Variants in TMC1 observed in about 807,000 individuals in gnomAD.
TMC1 encodes the protein transmembrane channel-like protein 1.
A neutral mutation model predicts 105.8 loss-of-function variants in TMC1; 84 were observed. That is an observed-to-expected ratio of 0.79 (90% confidence interval 0.67 to 0.95). The LOEUF (loss-of-function observed/expected upper bound fraction) is 0.95, where lower values mean the gene tolerates loss of function less well. Ranked by LOEUF, TMC1 falls within the 40% of genes least tolerant of loss-of-function variation. TMC1 has a pLI of 0.00. For synonymous variants in TMC1, 315 were observed against 311.5 expected, an observed-to-expected ratio of 1.01 and a Z score of -0.12; for missense variants, 817 against 914.1, an observed-to-expected ratio of 0.89 and a Z score of 1.37.
At chr9:72,631,841 G>A (rs1825457929) in intron 4 of TMC1, among the ~76,000 whole-genome samples, 2 of 152,288 alleles carry the variant, frequency 1.3e-5, no homozygotes, top group Admixed American at 1.3e-4. Flanking sequence ...GCAAGAAGAT[G>A]GGATTGTTAT....
At chr9:72,618,449 TGTAA>T (rs1196990182) in intron 3 of TMC1, among the ~76,000 whole-genome samples, 2 of 152,154 alleles carry the variant, frequency 1.3e-5, no homozygotes, top group Non-Finnish European at 2.9e-5. Context: ...TTAAACTAAC[TGTAA>T]GTTGAGTTGG....
chr9:72,675,487 A>G (rs900080103), intron 5 of TMC1, among the ~76,000 whole-genome samples: 1 of 152,170 alleles, frequency 6.6e-6, no homozygotes, highest in African/African-American at 2.4e-5. Flanking sequence ...ACCTGCGTGT[A>G]TTTGTTGCTC....
intron 5 of TMC1, among the ~76,000 whole-genome samples, chr9:72,672,823 AAC>A (rs34028814): frequency 0.068 from 9,456 of 139,662 alleles, 318 homozygotes; most frequent in Non-Finnish European, 0.08. Flanking sequence ...AAGCCTGGGC[AAC>A]ACACACACAC....
At chr9:72,623,995 C>T (rs958625869) in intron 3 of TMC1, among the ~76,000 whole-genome samples, 1 of 152,156 alleles carries the variant, frequency 6.6e-6, no homozygotes, top group Admixed American at 6.5e-5. Context: ...TAAATCCATA[C>T]TCAGAATATG....
intron 23 of TMC1, among the ~76,000 whole-genome samples, chr9:72,832,213 A>G (rs1829053148): frequency 6.6e-6 from 1 of 152,034 alleles, no homozygotes; most frequent in African/African-American, 2.4e-5. Flanking sequence ...TGGCCTCCCA[A>G]AGTGTTGGGA....
At chr9:72,605,104 T>C (rs1824884665) in intron 2 of TMC1, among the ~76,000 whole-genome samples, 1 of 152,176 alleles carries the variant, frequency 6.6e-6, no homozygotes, top group African/African-American at 2.4e-5. Flanking sequence ...GACAACAAAA[T>C]TGTCTAACAT....
At chr9:72,647,243 GA>G (rs2132148864) in intron 4 of TMC1, among the ~76,000 whole-genome samples, 1 of 150,770 alleles carries the variant, frequency 6.6e-6, no homozygotes, top group African/African-American at 2.4e-5. Flanking sequence ...TTAATGAATA[GA>G]AATTTTTTTA....
At chr9:72,667,277 A>G (rs768451711) in intron 5 of TMC1, among the ~76,000 whole-genome samples, 30 of 152,044 alleles carry the variant, frequency 2.0e-4, no homozygotes, top group Admixed American at 2.0e-3. Context: ...GGTTCAGTGA[A>G]TTTTCTACCC....
chr9:72,562,168 T>C (rs1427000157), intron 1 of TMC1, among the ~76,000 whole-genome samples: 1 of 152,214 alleles, frequency 6.6e-6, no homozygotes, highest in Admixed American at 6.5e-5. Flanking sequence ...ACTCAGTAAG[T>C]AGGAATACTT....
At position 72,665,207 on chromosome 9, in the gene TMC1, CTGTA is replaced by C. The variant is rs57622175; in HGVS notation, c.16+16545_16+16548del. Among the ~76,000 whole-genome samples the C allele has an allele frequency of 3.3e-3, 506 of 152,254 alleles. 6 individuals are homozygous for C. Among genetic ancestry groups the C allele is most frequent in the African/African-American group, 1.0e-2 (415 of 41,526 alleles). ...TGAAGTGTCGTTATGTGGTACGTGACTGTATTTATTGAGTGGATGGTCAATTGTA... is the reference window on the plus strand; with the variant it reads ...TGAAGTGTCGTTATGTGGTACGTGACTTTATTGAGTGGATGGTCAATTGTA... On this transcript the variant is annotated intron_variant, in intron 5 of 23. Transcript: ENST00000297784.
chr9:72,645,877 G>A (rs1825703444), intron 4 of TMC1, among the ~76,000 whole-genome samples: 2 of 152,184 alleles, frequency 1.3e-5, no homozygotes, highest in Non-Finnish European at 2.9e-5. Context: ...TCAATTCCCA[G>A]GGTCTTCATT....
chr9:72,562,930 T>A (rs1205148747), intron 1 of TMC1, among the ~76,000 whole-genome samples: 2 of 151,942 alleles, frequency 1.3e-5, no homozygotes, highest in Admixed American at 1.3e-4. Flanking sequence ...TGCAGTGAGA[T>A]GAGATCACTG....
At chr9:72,763,047 G>A (rs1045651728) in intron 12 of TMC1, among the ~76,000 whole-genome samples, 7 of 150,202 alleles carry the variant, frequency 4.7e-5, no homozygotes, top group African/African-American at 7.3e-5. Context: ...TTTAAACTTG[G>A]GGAACTGATT....
At chr9:72,835,846 A>G in intron 23 of TMC1, 105 bp from the exon 24 acceptor site, 1 of 1,333,172 alleles carries the variant, frequency 7.5e-7, no homozygotes, top group Non-Finnish European at 1.0e-6. Flanking sequence ...CACCTCATTC[A>G]GAACCATTAA....
At chr9:72,723,679 G>GT (rs922774233) in intron 8 of TMC1, among the ~76,000 whole-genome samples, 2 of 151,966 alleles carry the variant, frequency 1.3e-5, no homozygotes, top group Non-Finnish European at 2.9e-5. Flanking sequence ...AAAAATTATT[G>GT]TTTTTTTTCC....
intron 2 of TMC1, among the ~76,000 whole-genome samples, chr9:72,608,534 C>A (rs1824963717): frequency 6.6e-6 from 1 of 151,908 alleles, no homozygotes; most frequent in South Asian, 2.1e-4. Flanking sequence ...TGATGAAACC[C>A]CATCTCTACT....
At chr9:72,632,454 A>T (rs1825466492) in intron 4 of TMC1, among the ~76,000 whole-genome samples, 1 of 152,190 alleles carries the variant, frequency 6.6e-6, no homozygotes, top group Non-Finnish European at 1.5e-5. Flanking sequence ...TGCAGAACAC[A>T]CATGGGAAAC....
At position 72,574,411 on chromosome 9, in the gene TMC1, A is replaced by C. The variant is rs140589370; in HGVS notation, c.-427-3491A>C. ...TTGGCTCAGAAACAGATATGGTGCT[A>C]TCAGGAAAGCAAGGCCAATATCTGA... is the stretch of plus-strand genomic sequence containing the variant. On this transcript the variant is annotated intron_variant, in intron 1 of 23. Transcript: ENST00000297784. Among the ~76,000 whole-genome samples, 735 of 152,342 alleles carry C rather than the reference A, an allele frequency of 4.8e-3. 6 individuals are homozygous for C. Among genetic ancestry groups the C allele is most frequent in the African/African-American group, 0.016 (659 of 41,580 alleles).
At chr9:72,639,382 A>T (rs1009923731) in intron 4 of TMC1, among the ~76,000 whole-genome samples, 1 of 152,166 alleles carries the variant, frequency 6.6e-6, no homozygotes, top group Admixed American at 6.5e-5. Context: ...TAAATATAAG[A>T]CATTTGGCAC....
Sources: allele counts gnomAD v4.1 joint callset (sites outside exome capture counted in the v4.1 genomes callset), GRCh38; gene constraint gnomAD v4.1.1; transcripts MANE v1.5; gene names NCBI Gene and HGNC (gene_info 2026-07-23, HGNC 2026-07-21).